The following RPL5 variants were observed in gnomAD, a reference collection of about 807,000 sequenced individuals.
RPL5 encodes ribosomal protein L5.
In RPL5, 1 loss-of-function variant was observed where a neutral mutation model predicts 38.4. The ratio of observed to expected loss-of-function variants is 0.03; its 90% CI spans 0.01 to 0.12. RPL5 has a LOEUF of 0.12. RPL5 is among the 10% of genes least tolerant of loss of function. The pLI is 1.00. For missense variants in RPL5, 243 were observed against 374.1 expected, an observed-to-expected ratio of 0.65 and a Z score of 2.89; for synonymous variants, 109 against 121.2, an observed-to-expected ratio of 0.90 and a Z score of 0.66.
rs999179452 is a variant in RPL5 at position 92,840,028 on chromosome 1, A to G, written c.706-523A>G. On this transcript the variant is annotated intron_variant, in intron 6 of 7. Coordinates refer to ENST00000370321, the MANE Select transcript of RPL5 (RefSeq NM_000969.5). Reference sequence around the variant, plus strand: ...TGCTAATTTTTTTTTTTTTTTTTTAATTTTTGGTAGAGATGAGGTCTCATT... The same window carrying G: ...TGCTAATTTTTTTTTTTTTTTTTTAGTTTTTGGTAGAGATGAGGTCTCATT... Among the ~76,000 whole-genome samples the G allele has an allele frequency of 6.7e-4, 94 of 141,296 alleles. 1 individual carries two copies. Among genetic ancestry groups the G allele is most frequent in the African/African-American group, 2.3e-3 (87 of 38,120 alleles). The allele number at this position is 141,296 out of a possible 152,430, so 92.7% of individuals were successfully genotyped here. A position where few individuals can be genotyped will look rare whatever the true frequency, so the allele number is the denominator to read the frequency against.
At chr1:92,837,143 A>T in intron 5 of RPL5, 1 of 453,742 alleles carries the variant, frequency 2.2e-6, no homozygotes, top group Admixed American at 3.1e-5. Flanking sequence ...CTGAAAATTA[A>T]AGGATTTAGA....
At chr1:92,838,285 G>C (rs748567130) in intron 6 of RPL5, among the ~76,000 whole-genome samples, 3 of 152,166 alleles carry the variant, frequency 2.0e-5, no homozygotes, top group Non-Finnish European at 4.4e-5. Flanking sequence ...TTCTGAGTTA[G>C]GAAAAGGAGT....
intron 6 of RPL5, 121 bp downstream of exon 6, chr1:92,837,754 G>C: frequency 1.3e-6 from 1 of 785,518 alleles, no homozygotes; most frequent in Non-Finnish European, 2.2e-6. Context: ...AGCTAGACTT[G>C]TCAACATTCT....
chr1:92,838,350 T>G (rs566435652), intron 6 of RPL5, among the ~76,000 whole-genome samples: 2 of 152,360 alleles, frequency 1.3e-5, no homozygotes, highest in South Asian at 4.1e-4. Context: ...TATATTTCTT[T>G]GTTACTTATG....
chr1:92,834,658 A>C (rs1687046246), intron 3 of RPL5, 121 bp from the exon 4 acceptor site: 5 of 1,347,358 alleles, frequency 3.7e-6, no homozygotes, highest in African/African-American at 2.9e-5. Flanking sequence ...AAGAGTCTTA[A>C]GCATTTTAAG....
At chr1:92,835,660 CAAAAAA>C (rs11417383) in intron 4 of RPL5, among the ~76,000 whole-genome samples, 9 of 123,402 alleles carry the variant, frequency 7.3e-5, no homozygotes, top group Non-Finnish European at 9.9e-5. Context: ...AACTGTGTCT[CAAAAAA>C]AAAAAAAAAA....
Position 92,833,616 on chromosome 1 carries a change from T to C in RPL5, c.145T>C (p.Tyr49His), listed in dbSNP as rs1233574565. Residue 49 changes from tyrosine (Y) to histidine (H), a missense_variant, in exon 3 of 8, where the codon TAC (tyrosine) becomes CAC (histidine). Physicochemically the swap from Tyr to His is moderately conservative, Grantham distance 83. Coordinates refer to ENST00000370321, the MANE Select transcript of RPL5 (RefSeq NM_000969.5). ...QDKNKYNTPK[Y>H]RMIVRVTNRD... ...TAAAAATAAATACAACACACCCAAA[T>C]ACAGGATGATAGTTCGTGTGACAAA... 1 of 1,612,380 alleles carries C rather than the reference T, an allele frequency of 6.2e-7. No homozygotes were observed. Among genetic ancestry groups the C allele is most frequent in the Non-Finnish European group, 8.5e-7 (1 of 1,179,958 alleles).
chr1:92,840,266 C>T (rs964579431), intron 6 of RPL5: 3 of 378,584 alleles, frequency 7.9e-6, no homozygotes, highest in African/African-American at 6.3e-5. Flanking sequence ...CCACTTCAGA[C>T]TCCCAAAGTG....
intron 5 of RPL5, chr1:92,837,076 C>G (rs1274061089): frequency 9.0e-6 from 3 of 334,586 alleles, no homozygotes; most frequent in African/African-American, 4.3e-5. Context: ...AGAGCATTCT[C>G]ACTTGACAAT....
At chr1:92,838,600 G>GTGGCC (rs1267445833) in intron 6 of RPL5, among the ~76,000 whole-genome samples, 1 of 152,192 alleles carries the variant, frequency 6.6e-6, no homozygotes, top group Non-Finnish European at 1.5e-5. Flanking sequence ...TTTATCTACA[G>GTGGCC]TGGCCTCTAT....
chr1:92,839,214 C>T (rs1223560565), intron 6 of RPL5, among the ~76,000 whole-genome samples: 1 of 152,004 alleles, frequency 6.6e-6, no homozygotes, highest in African/African-American at 2.4e-5. Context: ...CAAAAATTAG[C>T]TGGGCATGGT....
chr1:92,840,436 T>G (rs1687309808), intron 6 of RPL5, 115 bp from the exon 7 acceptor site: 1 of 781,588 alleles, frequency 1.3e-6, no homozygotes, highest in South Asian at 1.5e-5. Context: ...CAACATTGAT[T>G]TAGTTTAGTT....
rs543919730 is a variant in RPL5 at position 92,832,303 on chromosome 1, G to T, written c.3+186G>T. 1.2e-4 allele frequency: 111 copies of T among 897,390 alleles called. 1 individual carries two copies. In the Admixed American group the frequency reaches 1.6e-3, roughly 13 times the overall value. 55.6% of individuals were successfully genotyped at this position (897,390 alleles called of 1,614,324 possible). A position where few individuals can be genotyped will look rare whatever the true frequency, so the allele number is the denominator to read the frequency against. On this transcript the variant is annotated intron_variant, in intron 1 of 7. Coordinates refer to ENST00000370321, the MANE Select transcript of RPL5 (RefSeq NM_000969.5). ...GGCTGCCGCCCGGTGCGCGAACTTGGGGGGAGGGGTTGGCGAAGAAGGGTT... is the reference window on the plus strand; with the variant it reads ...GGCTGCCGCCCGGTGCGCGAACTTGTGGGGAGGGGTTGGCGAAGAAGGGTT...
rs571701737 is a variant in RPL5 at position 92,841,872 on chromosome 1, C to T, written c.*7C>T. On this transcript the variant is annotated 3_prime_UTR_variant, in exon 8 of 8. Coordinates refer to ENST00000370321, the MANE Select transcript of RPL5 (RefSeq NM_000969.5). ...GCGGGCTGCTGAGAGCTAAACCCAGCAATTTTCTATGATTTTTTCAGATAT... is the reference window on the plus strand; with the variant it reads ...GCGGGCTGCTGAGAGCTAAACCCAGTAATTTTCTATGATTTTTTCAGATAT... 1 of 1,606,274 alleles carries T rather than the reference C, an allele frequency of 6.2e-7. No homozygotes were observed. The highest frequency in any genetic ancestry group is 2.2e-5 in the East Asian group (1 of 44,782).
At position 92,832,107 on chromosome 1, in the gene RPL5, T is replaced by G; in HGVS notation, c.-8T>G. 6.2e-7 allele frequency: 1 copy of G among 1,614,114 alleles called. No individual in the cohort carries two copies. Among genetic ancestry groups the G allele is most frequent in the Non-Finnish European group, 8.5e-7 (1 of 1,179,986 alleles). On this transcript the variant is annotated 5_prime_UTR_variant, in exon 1 of 8. Transcript: ENST00000370321. The stretch of plus-strand genomic sequence containing the variant: ...TCGAGCAGCGGACGCCGGTCTCTGT[T>G]CCGCAGGATGGTGAGTGGATGCCTC...
chr1:92,839,634 G>C (rs1687273094), intron 6 of RPL5, among the ~76,000 whole-genome samples: 1 of 152,198 alleles, frequency 6.6e-6, no homozygotes, highest in Non-Finnish European at 1.5e-5. Flanking sequence ...GTTAAGCTAT[G>C]TCAGTGTTGT....
intron 1 of RPL5, chr1:92,832,710 C>A (rs1390463900): frequency 2.5e-6 from 1 of 406,518 alleles, no homozygotes; most frequent in East Asian, 4.4e-5. Flanking sequence ...GCCTCTTCCT[C>A]TAGAGTCCGT....
intron 6 of RPL5, among the ~76,000 whole-genome samples, chr1:92,839,777 T>A (rs1687278285): frequency 6.6e-6 from 1 of 152,212 alleles, no homozygotes; most frequent in Admixed American, 6.5e-5. Flanking sequence ...AAAAATTTGA[T>A]TTAGAGTGAC....
chr1:92,841,400 A>C (rs1687357742), intron 7 of RPL5, among the ~76,000 whole-genome samples: 1 of 152,184 alleles, frequency 6.6e-6, no homozygotes. Context: ...TGTATACCAC[A>C]TTTCCTTTAT....
Sources: gnomAD v4.1 joint callset for allele counts (sites outside exome capture counted in the v4.1 genomes callset) on GRCh38, gnomAD v4.1.1 for gene constraint, MANE v1.5 for transcripts, NCBI Gene and HGNC (gene_info 2026-07-23, HGNC 2026-07-21) for gene names.